LRP2: variants seen among roughly 807,000 people sequenced by gnomAD.
LRP2 encodes the protein low-density lipoprotein receptor-related protein 2.
LRP2 carries 172 observed loss-of-function variants against 531.0 expected under a neutral mutation model. The ratio of observed to expected loss-of-function variants is 0.32; its 90% CI spans 0.29 to 0.37. LRP2 has a LOEUF of 0.37. Among genes scored for constraint, LRP2 ranks in the 10% least tolerant of loss-of-function variants. The probability of loss-of-function intolerance (pLI) is 1.00; values close to 1 mark genes in which losing one functional copy is unlikely to be tolerated. For missense variants in LRP2, 5,167 were observed against 5,868.3 expected, an observed-to-expected ratio of 0.88 and a Z score of 3.90; for synonymous variants, 1,992 against 2,027.6, an observed-to-expected ratio of 0.98 and a Z score of 0.47.
chr2:169,169,099 C>A (rs1221092888), intron 60 of LRP2, among the ~76,000 whole-genome samples: 2 of 152,200 alleles, frequency 1.3e-5, no homozygotes, highest in Non-Finnish European at 2.9e-5. Context: ...AGACTCAAAT[C>A]TGAGTAATCA....
chr2:169,177,279 T>A (rs1265418769), intron 53 of LRP2, among the ~76,000 whole-genome samples: 9 of 152,180 alleles, frequency 5.9e-5, no homozygotes, highest in Non-Finnish European at 1.2e-4. Flanking sequence ...TTGCTTTAAT[T>A]GCATAAAAGG....
chr2:169,233,546 C>A lies in LRP2; in HGVS notation c.4963G>T (p.Val1655Leu). Residue 1655 changes from valine to leucine, a missense_variant, in exon 30 of 79, where the codon GTG becomes TTG. Physicochemically the swap from Val to Leu is conservative, Grantham distance 32. This residue lies in a region of LRP2 where 2,811 missense variants were observed against 3,058.0 expected (regional missense o/e 0.92). Transcript: ENST00000649046. Reference sequence around the variant, plus strand: ...CGAGTAGCACGGTCAGTCCAGTACACAGAGTCTTCAAAGAGAGTTAGGGCA... The same window carrying A: ...CGAGTAGCACGGTCAGTCCAGTACAAAGAGTCTTCAAAGAGAGTTAGGGCA... The part of the protein sequence containing the change: ...PYALTLFEDS[V>L]YWTDRATRRV... The A allele has an allele frequency of 6.2e-7, 1 of 1,614,174 alleles. No homozygotes were observed. The highest frequency in any genetic ancestry group is 8.5e-7 in the Non-Finnish European group (1 of 1,180,044).
intron 11 of LRP2, 26 bp from the exon 12 acceptor site, chr2:169,279,621 A>G: frequency 7.0e-7 from 1 of 1,426,606 alleles, no homozygotes; most frequent in Non-Finnish European, 9.9e-7. Context: ...AAATTATTAT[A>G]TTTCTTCAGC....
At chr2:169,161,100 A>T (rs562607188) in intron 63 of LRP2, among the ~76,000 whole-genome samples, 2 of 152,204 alleles carry the variant, frequency 1.3e-5, no homozygotes, top group Non-Finnish European at 2.9e-5. Context: ...GAAACCAAAG[A>T]CTGGAGAGGT....
At position 169,156,418 on chromosome 2, in the gene LRP2, T is replaced by C. The variant is rs1251948450; in HGVS notation, c.12020-13A>G. The C allele has an allele frequency of 3.1e-6, 5 of 1,613,208 alleles. No individual in the cohort carries two copies. Among genetic ancestry groups the C allele is most frequent in the Non-Finnish European group, 4.2e-6 (5 of 1,179,342 alleles). On this transcript the variant is annotated splice_polypyrimidine_tract_variant and intron_variant, in intron 64 of 78. Coordinates refer to ENST00000649046, the MANE Select transcript of LRP2 (RefSeq NM_004525.3). ...CATTCATTGATATCTGTAGGCAAAA[T>C]AAAACCAAATACGCAACATCTGTTC...
At chr2:169,268,696 G>A (rs149697343) in intron 16 of LRP2, among the ~76,000 whole-genome samples, 2,697 of 152,254 alleles carry the variant, frequency 0.018, 79 homozygotes, top group African/African-American at 0.059. Flanking sequence ...CTGGCACAAG[G>A]CAGGGATGCC....
intron 16 of LRP2, among the ~76,000 whole-genome samples, chr2:169,263,132 C>T (rs1690640757): frequency 6.6e-6 from 1 of 152,060 alleles, no homozygotes; most frequent in Non-Finnish European, 1.5e-5. Flanking sequence ...GACCTAAAAC[C>T]ATAAAAACCC....
At position 169,325,727 on chromosome 2, in the gene LRP2, T is replaced by A. The variant is rs78608473; in HGVS notation, c.80-4843A>T. Reference sequence around the variant, plus strand: ...CAGGAACAGCAAACCAACCTGCTAGTCTCTTTCTGTGCAACATTTTAACTG... The same window carrying A: ...CAGGAACAGCAAACCAACCTGCTAGACTCTTTCTGTGCAACATTTTAACTG... On this transcript the variant is annotated intron_variant, in intron 1 of 78. Coordinates refer to ENST00000649046, the MANE Select transcript of LRP2 (RefSeq NM_004525.3). Among the ~76,000 whole-genome samples, 20 of 152,268 alleles carry A rather than the reference T, an allele frequency of 1.3e-4. 1 individual carries two copies. The East Asian group carries it at 3.7e-3, about 28-fold the overall frequency.
intron 11 of LRP2, among the ~76,000 whole-genome samples, chr2:169,279,972 G>A (rs1683657704): frequency 6.6e-6 from 1 of 152,142 alleles, no homozygotes; most frequent in African/African-American, 2.4e-5. Flanking sequence ...CCATTTAGAA[G>A]ATGCAGGTAA....
intron 34 of LRP2, among the ~76,000 whole-genome samples, chr2:169,220,192 T>C (rs1688938437): frequency 6.6e-6 from 1 of 152,200 alleles, no homozygotes; most frequent in Non-Finnish European, 1.5e-5. Flanking sequence ...TATTTTAAAA[T>C]TCCTAAAATT....
At chr2:169,350,731 A>C (rs1685825350) in intron 1 of LRP2, among the ~76,000 whole-genome samples, 1 of 150,928 alleles carries the variant, frequency 6.6e-6, no homozygotes, top group East Asian at 1.9e-4. Flanking sequence ...CGCAAAAAAA[A>C]AAAAAAAAAA....
At chr2:169,267,138 T>A (rs1019052914) in intron 16 of LRP2, among the ~76,000 whole-genome samples, 1 of 151,796 alleles carries the variant, frequency 6.6e-6, no homozygotes, top group African/African-American at 2.4e-5. Context: ...AATCCTCCCG[T>A]CTCGGTTCCC....
chr2:169,237,335 A>G, intron 27 of LRP2, 48 bp from the exon 28 acceptor site: 1 of 1,293,350 alleles, frequency 7.7e-7, no homozygotes, highest in Non-Finnish European at 1.1e-6. Flanking sequence ...AAATAAATGA[A>G]TGCAAACATG....
chr2:169,243,088 A>G lies in LRP2; in HGVS notation c.3551-16T>C. 6.3e-7 allele frequency: 1 copy of G among 1,579,040 alleles called. No homozygotes were observed. The highest frequency in any genetic ancestry group is 8.7e-7 in the Non-Finnish European group (1 of 1,148,156). ...CAGTTTAATACTAAGAATGAAAGAG[A>G]AAAGCATTAGAAATTAGCTCAGGGC... On this transcript the variant is annotated splice_polypyrimidine_tract_variant and intron_variant, in intron 23 of 78. Transcript: ENST00000649046.
Position 169,201,901 on chromosome 2 carries a change from C to T in LRP2, c.8210-31G>A, listed in dbSNP as rs1688216069. ...AACAGGAAAAACATGAGAACAAACC[C>T]TCTTGATTAAAACATTATCCTAATT... is the stretch of plus-strand genomic sequence containing the variant. On this transcript the variant is annotated intron_variant, in intron 43 of 78. Transcript: ENST00000649046. 2.5e-6 allele frequency: 4 copies of T among 1,613,164 alleles called. No individual in the cohort carries two copies. The African/African-American group carries it at 4.0e-5, about 16-fold the overall frequency.
chr2:169,146,966 C>T lies in LRP2; in HGVS notation c.12591-7G>A, dbSNP rs752076363. ...GTCAGTCCAGAACATAAGCCTATAACAGAAGATTTCTTCACTGTAGCATCT... is the reference window on the plus strand; with the variant it reads ...GTCAGTCCAGAACATAAGCCTATAATAGAAGATTTCTTCACTGTAGCATCT... On this transcript the variant is annotated splice_polypyrimidine_tract_variant and splice_region_variant and intron_variant, in intron 68 of 78. Coordinates refer to ENST00000649046, the MANE Select transcript of LRP2 (RefSeq NM_004525.3). 6.3e-7 allele frequency: 1 copy of T among 1,597,428 alleles called. No individual in the cohort carries two copies. Among genetic ancestry groups the T allele is most frequent in the South Asian group, 1.1e-5 (1 of 89,732 alleles).
intron 9 of LRP2, among the ~76,000 whole-genome samples, chr2:169,285,806 C>A (rs567425158): frequency 7.2e-5 from 11 of 152,166 alleles, no homozygotes; most frequent in Admixed American, 1.3e-4. Flanking sequence ...TCAACACTAC[C>A]AGAGGCAGAT....
intron 50 of LRP2, among the ~76,000 whole-genome samples, chr2:169,184,529 G>A (rs1252807792): frequency 6.6e-6 from 1 of 152,146 alleles, no homozygotes; most frequent in African/African-American, 2.4e-5. Flanking sequence ...GATGTCTATT[G>A]ACCACAAAGC....
At chr2:169,147,164 C>A (rs1348547514) in intron 68 of LRP2, among the ~76,000 whole-genome samples, 1 of 152,168 alleles carries the variant, frequency 6.6e-6, no homozygotes. Context: ...TTGAAAACTG[C>A]ACCTCCTTAA....
Sources: gnomAD v4.1 joint callset for allele counts (sites outside exome capture counted in the v4.1 genomes callset) on GRCh38, gnomAD v4.1.1 for gene constraint, gnomAD v4.1.1 regional missense constraint, MANE v1.5 for transcripts, NCBI Gene and HGNC (gene_info 2026-07-23, HGNC 2026-07-21) for gene names.